Variants in RERG observed in about 807,000 individuals in gnomAD.
The protein encoded by RERG is ras-related and estrogen-regulated growth inhibitor.
Under a neutral mutation model 23.2 loss-of-function variants are expected in RERG, and 25 were observed. The observed-to-expected ratio is 1.08, with a 90% CI of 0.79 to 1.50. The LOEUF (loss-of-function observed/expected upper bound fraction) is 1.50, where lower values mean the gene tolerates loss of function less well. Among genes scored for constraint, RERG ranks in the 40% most tolerant of loss-of-function variants. The probability of loss-of-function intolerance (pLI) is 0.00; values close to 1 mark genes in which losing one functional copy is unlikely to be tolerated. For synonymous variants in RERG, 81 were observed against 89.1 expected (o/e 0.91, Z 0.51); for missense variants, 253 against 250.1 (o/e 1.01, Z -0.08).
chr12:15,190,414 C>T (rs914137839), intron 2 of RERG, among the ~76,000 whole-genome samples: 41 of 152,148 alleles, frequency 2.7e-4, no homozygotes, highest in Non-Finnish European at 2.5e-4. Flanking sequence ...GTGCACAGGC[C>T]GCAGGTCGGA....
At chr12:15,212,936 A>C (rs1247005009) in intron 2 of RERG, among the ~76,000 whole-genome samples, 3 of 152,242 alleles carry the variant, frequency 2.0e-5, no homozygotes, top group African/African-American at 7.2e-5. Context: ...CAAGAAAAAG[A>C]ACAAAAAATA....
chr12:15,200,541 T>C (rs1343755950), intron 2 of RERG, among the ~76,000 whole-genome samples: 1 of 152,050 alleles, frequency 6.6e-6, no homozygotes, highest in Non-Finnish European at 1.5e-5. Flanking sequence ...AGTTATCTGA[T>C]GGGATCCAAT....
At chr12:15,113,841 G>A (rs1237268766) in intron 3 of RERG, among the ~76,000 whole-genome samples, 1 of 151,898 alleles carries the variant, frequency 6.6e-6, no homozygotes, top group African/African-American at 2.4e-5. Context: ...CAAATGAAAT[G>A]TCCAGCTGGA....
intron 2 of RERG, among the ~76,000 whole-genome samples, chr12:15,161,091 C>T (rs761222179): frequency 4.7e-5 from 7 of 148,962 alleles, no homozygotes; most frequent in South Asian, 2.1e-4. Context: ...GCTGAGATCA[C>T]GCCATTGCAC....
At chr12:15,182,369 T>A (rs1039900782) in intron 2 of RERG, among the ~76,000 whole-genome samples, 17 of 152,142 alleles carry the variant, frequency 1.1e-4, no homozygotes, top group African/African-American at 4.1e-4. Flanking sequence ...TATAATTAAC[T>A]TTTAAAAGGT....
chr12:15,208,751 C>T (rs928266728), intron 2 of RERG, among the ~76,000 whole-genome samples: 2 of 151,998 alleles, frequency 1.3e-5, no homozygotes, highest in African/African-American at 2.4e-5. Context: ...TATATACATA[C>T]ATGTACATAC....
chr12:15,126,457 T>C (rs1293582001), intron 2 of RERG, among the ~76,000 whole-genome samples: 1 of 151,944 alleles, frequency 6.6e-6, no homozygotes, highest in East Asian at 1.9e-4. Context: ...ACCATCTTAA[T>C]TTACTTGACT....
At chr12:15,133,725 G>GTTTTTTTTTT (rs549271423) in intron 2 of RERG, among the ~76,000 whole-genome samples, 1 of 135,046 alleles carries the variant, frequency 7.4e-6, no homozygotes, top group African/African-American at 2.7e-5. Flanking sequence ...TGACTGAGAG[G>GTTTTTTTTTT]TTTTTTTTTT....
chr12:15,177,840 T>TTTG (rs1864872723), intron 2 of RERG, among the ~76,000 whole-genome samples: 1 of 58,344 alleles, frequency 1.7e-5, no homozygotes, highest in Admixed American at 1.8e-4. Flanking sequence ...CCTCTGTTTG[T>TTTG]TTTTTTTTTT....
Position 15,109,219 on chromosome 12 carries a change from C to T in RERG, c.491G>A (p.Cys164Tyr). The T allele has an allele frequency of 6.2e-7, 1 of 1,614,146 alleles. No individual in the cohort carries two copies. ...CATCCTCCGGCGACGCACCTCTCGA[C>T]ACAATTCATAGAATATCTCTGTGAT... ...GNITEIFYEL[C>Y]REVRRRRMVQ... The change falls in exon 5 of 5, where the codon TGT becomes TAT. Residue 164 changes from cysteine (C) to tyrosine (Y), a missense_variant. Coordinates refer to ENST00000256953, the MANE Select transcript of RERG (RefSeq NM_032918.3).
At chr12:15,144,989 CT>C (rs1864306330) in intron 2 of RERG, among the ~76,000 whole-genome samples, 1 of 152,226 alleles carries the variant, frequency 6.6e-6, no homozygotes, top group African/African-American at 2.4e-5. Context: ...GAAAAATTTT[CT>C]TTTCTTTTTT....
intron 1 of RERG, 59 bp from the exon 2 acceptor site, chr12:15,217,662 G>A (rs1865461704): frequency 3.5e-6 from 2 of 576,576 alleles, no homozygotes; most frequent in South Asian, 2.1e-5. Flanking sequence ...AATATTTATT[G>A]AGCATCTACT....
At chr12:15,128,367 G>C (rs550528490) in intron 2 of RERG, among the ~76,000 whole-genome samples, 1 of 152,314 alleles carries the variant, frequency 6.6e-6, no homozygotes, top group African/African-American at 2.4e-5. Context: ...CGATGAAGCA[G>C]TATGCTAAAA....
intron 2 of RERG, among the ~76,000 whole-genome samples, chr12:15,175,846 C>T (rs375229193): frequency 1.6e-3 from 236 of 152,244 alleles, no homozygotes; most frequent in African/African-American, 5.5e-3. Flanking sequence ...CCATCTACCC[C>T]GCCAGTGGCT....
chr12:15,166,257 A>G (rs1445294518), intron 2 of RERG, among the ~76,000 whole-genome samples: 1 of 152,222 alleles, frequency 6.6e-6, no homozygotes, highest in Non-Finnish European at 1.5e-5. Flanking sequence ...CTAGATTGAA[A>G]GGTATTGAAA....
intron 2 of RERG, among the ~76,000 whole-genome samples, chr12:15,208,577 T>C (rs1376718764): frequency 1.3e-5 from 2 of 152,156 alleles, no homozygotes; most frequent in Non-Finnish European, 2.9e-5. Context: ...AGCTACTGCT[T>C]TGCCTTTTTG....
chr12:15,203,143 C>A (rs143396991), intron 2 of RERG, among the ~76,000 whole-genome samples: 2,264 of 151,826 alleles, frequency 0.015, 34 homozygotes, highest in Middle Eastern at 0.034. Flanking sequence ...ACACTATTCT[C>A]AGTTTTAAAT....
intron 2 of RERG, among the ~76,000 whole-genome samples, chr12:15,164,437 C>G (rs1016792162): frequency 2.0e-5 from 3 of 152,200 alleles, no homozygotes; most frequent in African/African-American, 7.2e-5. Flanking sequence ...TTCCAAGGGA[C>G]ATGAACAAGG....
chr12:15,187,538 T>C (rs1158152038), intron 2 of RERG, among the ~76,000 whole-genome samples: 4 of 151,272 alleles, frequency 2.6e-5, no homozygotes, highest in African/African-American at 7.3e-5. Flanking sequence ...CTATTCTTAA[T>C]AGCAAAAATA....
Sources: gnomAD v4.1 joint callset for allele counts (sites outside exome capture counted in the v4.1 genomes callset) on GRCh38, gnomAD v4.1.1 for gene constraint, MANE v1.5 for transcripts, NCBI Gene and HGNC (gene_info 2026-07-23, HGNC 2026-07-21) for gene names.